NSMCE2: variants seen among roughly 807,000 people sequenced by gnomAD.
The protein encoded by NSMCE2 is NSE2 SUMO ligase component of SMC5/6 complex.
Under a neutral mutation model 23.8 loss-of-function variants are expected in NSMCE2, and 24 were observed. The ratio of observed to expected loss-of-function variants is 1.01; its 90% CI spans 0.73 to 1.42. NSMCE2 has a LOEUF of 1.42. Among genes scored for constraint, NSMCE2 ranks in the 40% most tolerant of loss-of-function variants. The pLI, the probability that NSMCE2 is intolerant of heterozygous loss-of-function variation, is 0.00. For missense variants in NSMCE2, 284 were observed against 296.5 expected, an observed-to-expected ratio of 0.96 and a Z score of 0.31; for synonymous variants, 92 against 94.1, an observed-to-expected ratio of 0.98 and a Z score of 0.13.
intron 5 of NSMCE2, among the ~76,000 whole-genome samples, chr8:125,200,031 T>A (rs1452182863): frequency 6.6e-6 from 1 of 152,232 alleles, no homozygotes; most frequent in Non-Finnish European, 1.5e-5. Context: ...GCTTGATAGA[T>A]CTTCCTCCAT....
intron 3 of NSMCE2, among the ~76,000 whole-genome samples, chr8:125,145,477 A>G (rs969679230): frequency 6.6e-6 from 1 of 152,184 alleles, no homozygotes; most frequent in African/African-American, 2.4e-5. Context: ...AGAGTCACCA[A>G]GGCCCCACTG....
At chr8:125,133,377 G>A (rs1819869543) in intron 3 of NSMCE2, among the ~76,000 whole-genome samples, 1 of 152,106 alleles carries the variant, frequency 6.6e-6, no homozygotes. Context: ...ATAATCCAGG[G>A]GTGTAAAATG....
chr8:125,150,409 T>C (rs1316954693), intron 3 of NSMCE2, among the ~76,000 whole-genome samples: 2 of 149,562 alleles, frequency 1.3e-5, no homozygotes, highest in Admixed American at 1.3e-4. Flanking sequence ...TTTTTTCTTT[T>C]TTTCTTTTCT....
chr8:125,147,498 T>C (rs959296896), intron 3 of NSMCE2, among the ~76,000 whole-genome samples: 6 of 152,102 alleles, frequency 3.9e-5, no homozygotes, highest in African/African-American at 1.4e-4. Context: ...TCCCAAGATA[T>C]CAAGAGTGTA....
intron 3 of NSMCE2, among the ~76,000 whole-genome samples, chr8:125,105,114 T>C (rs975727765): frequency 1.3e-5 from 2 of 152,236 alleles, no homozygotes; most frequent in African/African-American, 4.8e-5. Context: ...ATTACAGTCC[T>C]GTCCCGCCTT....
chr8:125,197,703 A>C (rs536207005), intron 5 of NSMCE2, among the ~76,000 whole-genome samples: 1 of 152,192 alleles, frequency 6.6e-6, no homozygotes, highest in Non-Finnish European at 1.5e-5. Context: ...TGAACTTTAA[A>C]GTAGTTTTTT....
intron 5 of NSMCE2, among the ~76,000 whole-genome samples, chr8:125,215,688 A>T (rs1824550238): frequency 6.6e-6 from 1 of 152,102 alleles, no homozygotes; most frequent in African/African-American, 2.4e-5. Context: ...TAAGTCTTTA[A>T]TCCATCTTGA....
chr8:125,289,158 C>G (rs1211462156), intron 5 of NSMCE2, among the ~76,000 whole-genome samples: 2 of 152,192 alleles, frequency 1.3e-5, no homozygotes, highest in Non-Finnish European at 2.9e-5. Context: ...CTTACCACAT[C>G]CTCAATAAAT....
At chr8:125,122,480 T>A (rs988313680) in intron 3 of NSMCE2, among the ~76,000 whole-genome samples, 3 of 152,188 alleles carry the variant, frequency 2.0e-5, no homozygotes, top group Non-Finnish European at 2.9e-5. Context: ...TATACTCCAG[T>A]CATGGAGCCT....
chr8:125,223,581 A>T (rs1824964020), intron 5 of NSMCE2, among the ~76,000 whole-genome samples: 1 of 152,176 alleles, frequency 6.6e-6, no homozygotes, highest in African/African-American at 2.4e-5. Flanking sequence ...GTAGTAATTT[A>T]CATTCCCACG....
chr8:125,219,558 A>C (rs1259427585), intron 5 of NSMCE2, among the ~76,000 whole-genome samples: 1 of 152,180 alleles, frequency 6.6e-6, no homozygotes, highest in Non-Finnish European at 1.5e-5. Flanking sequence ...AACACATTTC[A>C]TTCTTGTGAA....
chr8:125,262,206 G>A (rs7827795), intron 5 of NSMCE2, among the ~76,000 whole-genome samples: 130,403 of 152,112 alleles, frequency 0.86, 55,970 homozygotes, highest in Middle Eastern at 0.92. Flanking sequence ...CAGGTGGATC[G>A]CAAGGTCAGG....
chr8:125,285,566 C>T (rs922024410), intron 5 of NSMCE2, among the ~76,000 whole-genome samples: 1 of 152,116 alleles, frequency 6.6e-6, no homozygotes, highest in Non-Finnish European at 1.5e-5. Flanking sequence ...AGATGTTTTA[C>T]TTTAAACATG....
rs1818220113 is a variant in NSMCE2, at chr8:125,102,106, C to T, written c.-55C>T. On this transcript the variant is annotated 5_prime_UTR_variant, in exon 2 of 8. Transcript: ENST00000287437. ...TCTCTCCAAAAACTGAGGACACTTA[C>T]CTTCCCCATATATTGAGTCCAGCTG... The T allele has an allele frequency of 4.4e-6, 2 of 458,606 alleles. No individual in the cohort carries two copies. Among genetic ancestry groups the T allele is most frequent in the South Asian group, 3.3e-5 (1 of 30,384 alleles). 28.4% of individuals were successfully genotyped at this position (458,606 alleles called of 1,614,324 possible).
intron 5 of NSMCE2, among the ~76,000 whole-genome samples, chr8:125,187,634 G>A (rs1042901233): frequency 2.0e-5 from 3 of 152,030 alleles, no homozygotes; most frequent in African/African-American, 7.3e-5. Context: ...TACCTGTTAC[G>A]TGACTATCAG....
chr8:125,353,158 C>T (rs1813109114), intron 5 of NSMCE2, among the ~76,000 whole-genome samples: 1 of 152,222 alleles, frequency 6.6e-6, no homozygotes, highest in East Asian at 1.9e-4. Flanking sequence ...TCTTTCACAT[C>T]AGCTGAACTC....
chr8:125,261,839 G>A (rs1330201412), intron 5 of NSMCE2, among the ~76,000 whole-genome samples: 2 of 151,950 alleles, frequency 1.3e-5, no homozygotes, highest in Non-Finnish European at 2.9e-5. Context: ...GCTCACGTCT[G>A]TAATCCCAGC....
At chr8:125,297,354 C>T (rs1828370629) in intron 5 of NSMCE2, among the ~76,000 whole-genome samples, 1 of 152,182 alleles carries the variant, frequency 6.6e-6, no homozygotes, top group Non-Finnish European at 1.5e-5. Flanking sequence ...ATCTGCTCTA[C>T]AAAGTCTCTA....
intron 3 of NSMCE2, among the ~76,000 whole-genome samples, chr8:125,145,766 G>A (rs561002995): frequency 4.8e-4 from 73 of 152,258 alleles, no homozygotes; most frequent in African/African-American, 1.6e-3. Context: ...CCTTCACCTT[G>A]AACATTTCTC....
Sources: allele counts gnomAD v4.1 joint callset (sites outside exome capture counted in the v4.1 genomes callset), GRCh38; gene constraint gnomAD v4.1.1; transcripts MANE v1.5; gene names NCBI Gene and HGNC (gene_info 2026-07-23, HGNC 2026-07-21).